DPYD: variants seen among roughly 807,000 people sequenced by gnomAD.
DPYD encodes dihydropyrimidine dehydrogenase, also known as dihydropyrimidine dehydrogenase [NADP(+)].
A neutral mutation model predicts 116.2 loss-of-function variants in DPYD; 109 were observed. The observed-to-expected ratio is 0.94, with a 90% CI of 0.80 to 1.10. DPYD has a LOEUF of 1.10. DPYD is among the 50% of genes least tolerant of loss of function. DPYD has a pLI of 0.00. For missense variants in DPYD, 1,302 were observed against 1,254.5 expected (o/e 1.04, Z -0.57); for synonymous variants, 440 against 432.0 (o/e 1.02, Z -0.23).
intron 16 of DPYD, among the ~76,000 whole-genome samples, chr1:97,327,492 G>T (rs909026555): frequency 9.2e-5 from 14 of 151,444 alleles, no homozygotes; most frequent in Non-Finnish European, 1.6e-4. Context: ...GAATAAAGAA[G>T]AAAAAACTAA....
chr1:97,446,880 C>A (rs898844524), intron 14 of DPYD, among the ~76,000 whole-genome samples: 3 of 152,020 alleles, frequency 2.0e-5, no homozygotes, highest in Non-Finnish European at 4.4e-5. Flanking sequence ...AGCTTAGGAA[C>A]AAAAAGCTCT....
Position 97,376,719 on chromosome 1 carries a change from G to C in DPYD, c.1975-3075C>G, listed in dbSNP as rs193037239. 4.2e-3 allele frequency among the ~76,000 whole-genome samples: 638 copies of C among 152,142 alleles called. 3 individuals are homozygous for C. The highest frequency in any genetic ancestry group is 0.014 in the African/African-American group (588 of 41,524). ...TGTTAGTCACAAGCTTTTTAGTTTA[G>C]TCACTTACCCAGAGTTTATTCCACC... On this transcript the variant is annotated intron_variant, in intron 15 of 22. Coordinates refer to ENST00000370192, the MANE Select transcript of DPYD (RefSeq NM_000110.4).
chr1:97,860,847 T>C (rs1353739851), intron 2 of DPYD, among the ~76,000 whole-genome samples: 1 of 151,868 alleles, frequency 6.6e-6, no homozygotes. Flanking sequence ...AAAGAAAATG[T>C]TTTGTCCTCT....
intron 3 of DPYD, among the ~76,000 whole-genome samples, chr1:97,760,529 T>G (rs1665517778): frequency 6.6e-6 from 1 of 152,158 alleles, no homozygotes; most frequent in South Asian, 2.1e-4. Flanking sequence ...CTAGAGATGA[T>G]TTAAAGTATA....
intron 16 of DPYD, among the ~76,000 whole-genome samples, chr1:97,323,126 T>C (rs1422231721): frequency 6.7e-6 from 1 of 150,204 alleles, no homozygotes; most frequent in Non-Finnish European, 1.5e-5. Context: ...CATATATATG[T>C]GTGTGTGTTT....
At chr1:97,369,703 T>C (rs536544060) in intron 16 of DPYD, among the ~76,000 whole-genome samples, 82 of 152,304 alleles carry the variant, frequency 5.4e-4, no homozygotes, top group Admixed American at 9.2e-4. Context: ...AGCCGAATGA[T>C]ATTTTCACCT....
At chr1:97,674,077 T>C (rs375399573) in intron 8 of DPYD, among the ~76,000 whole-genome samples, 1 of 152,154 alleles carries the variant, frequency 6.6e-6, no homozygotes, top group South Asian at 2.1e-4. Context: ...TGAGGAATAA[T>C]GATCAGATCT....
intron 14 of DPYD, among the ~76,000 whole-genome samples, chr1:97,397,379 T>C (rs1231367187): frequency 1.3e-5 from 2 of 152,052 alleles, no homozygotes; most frequent in Non-Finnish European, 2.9e-5. Context: ...ATCATACAAA[T>C]CCACAGTTTA....
At chr1:97,246,422 AG>A (rs770843876) in intron 18 of DPYD, among the ~76,000 whole-genome samples, 4 of 152,078 alleles carry the variant, frequency 2.6e-5, no homozygotes, top group Non-Finnish European at 5.9e-5. Context: ...AGGAAATCTG[AG>A]GTGGTCTAGG....
intron 16 of DPYD, among the ~76,000 whole-genome samples, chr1:97,340,114 G>A (rs1669516274): frequency 6.6e-6 from 1 of 151,458 alleles, no homozygotes; most frequent in Non-Finnish European, 1.5e-5. Flanking sequence ...ACCCAACAAA[G>A]TAAATAAACA....
intron 20 of DPYD, among the ~76,000 whole-genome samples, chr1:97,168,792 A>G (rs144579938): frequency 7.2e-5 from 11 of 152,142 alleles, no homozygotes; most frequent in Middle Eastern, 3.4e-3. Context: ...GTGATTAGGC[A>G]CTACACCTGA....
intron 18 of DPYD, among the ~76,000 whole-genome samples, chr1:97,263,415 A>G (rs1184544182): frequency 6.6e-6 from 1 of 152,126 alleles, no homozygotes; most frequent in East Asian, 1.9e-4. Flanking sequence ...GTTAATCTTT[A>G]TTCAAAAACA....
At chr1:97,466,172 CA>C (rs926700178) in intron 13 of DPYD, among the ~76,000 whole-genome samples, 8 of 151,992 alleles carry the variant, frequency 5.3e-5, no homozygotes, top group African/African-American at 1.7e-4. Flanking sequence ...AAAATTATAA[CA>C]AAAAAAGTTG....
chr1:97,803,317 A>AT (rs1448424651), intron 3 of DPYD, among the ~76,000 whole-genome samples: 1 of 151,892 alleles, frequency 6.6e-6, no homozygotes, highest in East Asian at 1.9e-4. Context: ...CCTACAGGAA[A>AT]TACTCTTCTT....
chr1:97,808,138 T>C (rs1236650999), intron 3 of DPYD, among the ~76,000 whole-genome samples: 1 of 152,154 alleles, frequency 6.6e-6, no homozygotes, highest in Non-Finnish European at 1.5e-5. Context: ...ATTTTGTCCA[T>C]AAGCAAGATA....
At chr1:97,455,812 C>T (rs1310365196) in intron 13 of DPYD, among the ~76,000 whole-genome samples, 1 of 151,776 alleles carries the variant, frequency 6.6e-6, no homozygotes, top group Non-Finnish European at 1.5e-5. Context: ...CTTGGAGGTG[C>T]AAAGTGGGCA....
At chr1:97,778,951 A>T (rs1666578341) in intron 3 of DPYD, among the ~76,000 whole-genome samples, 1 of 152,128 alleles carries the variant, frequency 6.6e-6, no homozygotes, top group Non-Finnish European at 1.5e-5. Context: ...CCACCTTATG[A>T]CAATTCTTTT....
chr1:97,223,652 A>C (rs1166806933), intron 19 of DPYD, among the ~76,000 whole-genome samples: 1 of 152,102 alleles, frequency 6.6e-6, no homozygotes, highest in Non-Finnish European at 1.5e-5. Context: ...GAAACCTATC[A>C]CTGAAAGCAA....
At chr1:97,739,029 G>T (rs1019576545) in intron 4 of DPYD, among the ~76,000 whole-genome samples, 3 of 151,900 alleles carry the variant, frequency 2.0e-5, no homozygotes, top group African/African-American at 7.2e-5. Flanking sequence ...AAGATAGTCC[G>T]TCATAATTCT....
Sources: gnomAD v4.1 joint callset for allele counts (sites outside exome capture counted in the v4.1 genomes callset) on GRCh38, gnomAD v4.1.1 for gene constraint, MANE v1.5 for transcripts, NCBI Gene and HGNC (gene_info 2026-07-23, HGNC 2026-07-21) for gene names.